SEPTIN11: variants seen among roughly 807,000 people sequenced by gnomAD.
The protein encoded by SEPTIN11 is septin 11, also known as septin-11.
In SEPTIN11, 25 loss-of-function variants were observed where a neutral mutation model predicts 51.4. The observed-to-expected ratio is 0.49, with a 90% confidence interval of 0.35 to 0.68. The LOEUF is 0.68. Ranked by LOEUF, SEPTIN11 falls within the 30% of genes least tolerant of loss-of-function variation. SEPTIN11 has a pLI of 0.00. For missense variants in SEPTIN11, 381 were observed against 520.8 expected (o/e 0.73, Z 2.61); for synonymous variants, 174 against 184.1 (o/e 0.95, Z 0.44).
At chr4:76,962,610 G>A (rs1721868528) in intron 1 of SEPTIN11, among the ~76,000 whole-genome samples, 1 of 152,180 alleles carries the variant, frequency 6.6e-6, no homozygotes, top group Non-Finnish European at 1.5e-5. Context: ...ACACCCTGAC[G>A]TAACTGGTTA....
At position 77,016,810 on chromosome 4, in the gene SEPTIN11, AT is replaced by A. The variant is rs967625969; in HGVS notation, c.687+1800del. Among the ~76,000 whole-genome samples the A allele has an allele frequency of 2.1e-4, 31 of 146,996 alleles. No homozygotes were observed. The East Asian group carries it at 5.4e-3, about 26-fold the overall frequency. ...ATAAAAAATAAATTCTACAAAAAAA[AT>A]TTTTTTAAATAGAGTATAATAACTA... On this transcript the variant is annotated intron_variant, in intron 5 of 9. Transcript: ENST00000264893.
intron 5 of SEPTIN11, among the ~76,000 whole-genome samples, chr4:77,015,688 C>T (rs945363271): frequency 6.6e-6 from 1 of 152,154 alleles, no homozygotes; most frequent in South Asian, 2.1e-4. Context: ...GCATAACATC[C>T]ATGAAAGCCA....
At chr4:76,986,031 TAG>T (rs1290965924) in intron 1 of SEPTIN11, among the ~76,000 whole-genome samples, 1 of 152,056 alleles carries the variant, frequency 6.6e-6, no homozygotes, top group Non-Finnish European at 1.5e-5. Context: ...CAGCAAATGT[TAG>T]AGGTATACAT....
At chr4:77,039,912 A>G (rs1339616089), downstream of SEPTIN11, 2 of 196,458 alleles carry the variant, frequency 1.0e-5, no homozygotes, top group Non-Finnish European at 1.8e-5. Flanking sequence ...TGTTTTTTGT[A>G]TTGGTTATTC....
At chr4:76,997,383 A>C (rs1723796681) in intron 2 of SEPTIN11, among the ~76,000 whole-genome samples, 1 of 152,222 alleles carries the variant, frequency 6.6e-6, no homozygotes, top group Non-Finnish European at 1.5e-5. Flanking sequence ...AGTAAAGCAA[A>C]GAGAATTTAG....
intron 4 of SEPTIN11, among the ~76,000 whole-genome samples, chr4:77,012,519 AT>A (rs1724949087): frequency 6.6e-6 from 1 of 152,246 alleles, no homozygotes; most frequent in South Asian, 2.1e-4. Context: ...AAGACAATAC[AT>A]TCTGAAATAA....
chr4:77,029,616 T>C (rs1343661943), intron 8 of SEPTIN11, among the ~76,000 whole-genome samples: 1 of 152,116 alleles, frequency 6.6e-6, no homozygotes, highest in Non-Finnish European at 1.5e-5. Context: ...GGGTAAAAAA[T>C]CTAAAATTGT....
At chr4:76,950,552 A>G (rs1721287780) in intron 1 of SEPTIN11, among the ~76,000 whole-genome samples, 1 of 152,180 alleles carries the variant, frequency 6.6e-6, no homozygotes, top group African/African-American at 2.4e-5. Context: ...AAGGACTGAA[A>G]TGTTCTGCGG....
intron 1 of SEPTIN11, among the ~76,000 whole-genome samples, chr4:76,985,616 C>T (rs1013338840): frequency 4.6e-5 from 7 of 152,160 alleles, no homozygotes; most frequent in Admixed American, 2.0e-4. Context: ...CATGGTATTT[C>T]CAGGCCTTTT....
intron 6 of SEPTIN11, among the ~76,000 whole-genome samples, chr4:77,019,818 A>C (rs1725570230): frequency 6.6e-6 from 1 of 152,204 alleles, no homozygotes; most frequent in African/African-American, 2.4e-5. Flanking sequence ...GAGGACATCC[A>C]GTGCTATGGA....
intron 8 of SEPTIN11, 136 bp downstream of exon 8, chr4:77,028,897 C>G (rs1216869293): frequency 2.3e-6 from 2 of 868,144 alleles, no homozygotes; most frequent in Non-Finnish European, 3.4e-6. Context: ...CCAACCTGGC[C>G]AGGAAAATGG....
intron 1 of SEPTIN11, chr4:76,995,975 A>C (rs1354970878): frequency 6.6e-7 from 1 of 1,522,634 alleles, no homozygotes; most frequent in Admixed American, 2.0e-5. Flanking sequence ...AGGAGTATGA[A>C]TCCTCCACTG....
At chr4:77,018,367 T>G (rs1157643258) in intron 5 of SEPTIN11, among the ~76,000 whole-genome samples, 1 of 151,182 alleles carries the variant, frequency 6.6e-6, no homozygotes, top group South Asian at 2.1e-4. Context: ...GAGAATGGCG[T>G]GAACCCGGAG....
At chr4:77,038,644 T>A (rs1052716937), downstream of SEPTIN11, 1 of 995,246 alleles carries the variant, frequency 1.0e-6, no homozygotes, top group Non-Finnish European at 1.2e-6. Context: ...TGAGTTCTTT[T>A]TAGTCACTGC....
At chr4:76,992,485 T>A (rs772658496) in intron 1 of SEPTIN11, among the ~76,000 whole-genome samples, 2 of 152,210 alleles carry the variant, frequency 1.3e-5, no homozygotes, top group Non-Finnish European at 2.9e-5. Flanking sequence ...GCACCTTGAC[T>A]TTACTAGTTG....
At chr4:76,971,819 T>G (rs932755992) in intron 1 of SEPTIN11, among the ~76,000 whole-genome samples, 9 of 152,254 alleles carry the variant, frequency 5.9e-5, no homozygotes, top group African/African-American at 2.2e-4. Flanking sequence ...ATTGATACAC[T>G]GTTCATCTTT....
chr4:77,019,355 C>T (rs1480401084), intron 6 of SEPTIN11, 94 bp downstream of exon 6: 1 of 1,018,906 alleles, frequency 9.8e-7, no homozygotes, highest in Non-Finnish European at 1.4e-6. Flanking sequence ...GGGAGGCCCT[C>T]AACAGTGGGC....
intron 2 of SEPTIN11, among the ~76,000 whole-genome samples, chr4:77,000,227 G>C (rs1724024189): frequency 6.6e-6 from 1 of 152,198 alleles, no homozygotes; most frequent in African/African-American, 2.4e-5. Flanking sequence ...GTTTTGAGGG[G>C]ATGAGAGAAC....
intron 7 of SEPTIN11, among the ~76,000 whole-genome samples, chr4:77,023,302 A>ACACAC (rs1553976962): frequency 2.8e-5 from 4 of 143,924 alleles, no homozygotes; most frequent in African/African-American, 5.1e-5. Flanking sequence ...ACACACACAC[A>ACACAC]ATATATATAT....
Sources: allele counts gnomAD v4.1 joint callset (sites outside exome capture counted in the v4.1 genomes callset), GRCh38; gene constraint gnomAD v4.1.1; transcripts MANE v1.5; gene names NCBI Gene and HGNC (gene_info 2026-07-23, HGNC 2026-07-21).